BRINP3: variants seen among roughly 807,000 people sequenced by gnomAD.
BRINP3 encodes the protein BMP/retinoic acid-inducible neural-specific protein 3.
In BRINP3, 19 loss-of-function variants were observed where a neutral mutation model predicts 71.0. That is an observed-to-expected ratio of 0.27 (90% CI 0.19 to 0.39). BRINP3 has a LOEUF of 0.39. Ranked by LOEUF, BRINP3 falls within the 10% of genes least tolerant of loss-of-function variation. BRINP3 has a pLI of 1.00. For missense variants in BRINP3, 959 were observed against 940.8 expected, an observed-to-expected ratio of 1.02 and a Z score of -0.25; for synonymous variants, 380 against 337.7, an observed-to-expected ratio of 1.13 and a Z score of -1.37.
At chr1:190,186,505 C>A (rs1001428763) in intron 6 of BRINP3, among the ~76,000 whole-genome samples, 3 of 152,100 alleles carry the variant, frequency 2.0e-5, no homozygotes, top group African/African-American at 7.2e-5. Flanking sequence ...CATCTTTTCA[C>A]AACAGTGCAT....
intron 4 of BRINP3, among the ~76,000 whole-genome samples, chr1:190,248,658 A>G (rs1042523523): frequency 6.6e-6 from 1 of 151,576 alleles, no homozygotes; most frequent in Non-Finnish European, 1.5e-5. Context: ...ATTATGTCAC[A>G]TTTGTTATTA....
intron 2 of BRINP3, among the ~76,000 whole-genome samples, chr1:190,397,379 CT>C (rs1244693922): frequency 2.6e-5 from 4 of 151,932 alleles, no homozygotes; most frequent in African/African-American, 9.7e-5. Flanking sequence ...GGCTCCTGTT[CT>C]GCATTTCCCA....
intron 2 of BRINP3, among the ~76,000 whole-genome samples, chr1:190,288,734 T>TA (rs972714840): frequency 7.9e-5 from 12 of 152,008 alleles, no homozygotes; most frequent in Middle Eastern, 3.4e-3. Flanking sequence ...TGTTAATTTT[T>TA]AAAAATGTAT....
chr1:190,331,520 C>CTG (rs1443557459), intron 2 of BRINP3, among the ~76,000 whole-genome samples: 33 of 151,976 alleles, frequency 2.2e-4, no homozygotes, highest in Non-Finnish European at 2.8e-4. Flanking sequence ...TGCTGTTGTT[C>CTG]TGTTCATCCT....
chr1:190,364,251 T>C (rs1390923128), intron 2 of BRINP3, among the ~76,000 whole-genome samples: 3 of 152,164 alleles, frequency 2.0e-5, no homozygotes, highest in Admixed American at 2.0e-4. Flanking sequence ...TAATGTTTTT[T>C]TCCAGAGATA....
At chr1:190,240,872 CAAAAAAAA>C (rs71123078) in intron 4 of BRINP3, among the ~76,000 whole-genome samples, 7 of 38,258 alleles carry the variant, frequency 1.8e-4, no homozygotes, top group Admixed American at 1.2e-3. Flanking sequence ...AACTCTGTCT[CAAAAAAAA>C]AAAAAAAAAA....
intron 6 of BRINP3, among the ~76,000 whole-genome samples, chr1:190,179,152 T>G (rs572032015): frequency 6.6e-6 from 1 of 152,166 alleles, no homozygotes; most frequent in African/African-American, 2.4e-5. Flanking sequence ...GCAATTATAT[T>G]TCAAAGTTCT....
rs909214267 is a variant in BRINP3 at position 190,477,516 on chromosome 1, G to A, written c.-119C>T. The A allele has an allele frequency of 6.6e-6, 1 of 152,184 alleles. No individual in the cohort carries two copies. Among genetic ancestry groups the A allele is most frequent in the Admixed American group, 6.5e-5 (1 of 15,278 alleles). 9.4% of individuals were successfully genotyped at this position (152,184 alleles called of 1,614,324 possible). A position where few individuals can be genotyped will look rare whatever the true frequency, so the allele number is the denominator to read the frequency against. On this transcript the variant is annotated 5_prime_UTR_variant, in exon 1 of 8. Transcript: ENST00000367462. ...TCCAGGATTCAAATAGATATTCCAT[G>A]ATCTTCCAAATCAAGGTAAAGTAGT...
intron 2 of BRINP3, among the ~76,000 whole-genome samples, chr1:190,392,115 T>C (rs1179374124): frequency 6.6e-6 from 1 of 151,486 alleles, no homozygotes; most frequent in Non-Finnish European, 1.5e-5. Context: ...TCAAAAAATA[T>C]CTGTGTGTCT....
chr1:190,444,657 C>T (rs1002739071), intron 2 of BRINP3, among the ~76,000 whole-genome samples: 12 of 151,960 alleles, frequency 7.9e-5, no homozygotes, highest in Non-Finnish European at 1.8e-4. Context: ...GCCTCAGCCT[C>T]CTGAGTACCT....
rs549607382 is a variant in BRINP3 at position 190,257,069 on chromosome 1, T to A, written c.618+7796A>T. On this transcript the variant is annotated intron_variant, in intron 4 of 7. Coordinates refer to ENST00000367462, the MANE Select transcript of BRINP3 (RefSeq NM_199051.3). ...GTTGGGGAAGTTCTCCTGGATGATA[T>A]CCTGAAGAGTGTTTTCCAACTTGGT... 5.3e-5 allele frequency among the ~76,000 whole-genome samples: 8 copies of A among 152,328 alleles called. No individual in the cohort carries two copies. The East Asian group carries it at 1.2e-3, about 22-fold the overall frequency.
intron 2 of BRINP3, among the ~76,000 whole-genome samples, chr1:190,282,459 T>C (rs933494638): frequency 6.6e-6 from 1 of 151,958 alleles, no homozygotes; most frequent in African/African-American, 2.4e-5. Context: ...AAAAGAATTA[T>C]AGCAAACTGC....
intron 7 of BRINP3, among the ~76,000 whole-genome samples, chr1:190,135,438 T>C (rs1487054538): frequency 6.6e-6 from 1 of 152,106 alleles, no homozygotes; most frequent in East Asian, 1.9e-4. Flanking sequence ...TTTGTTATAA[T>C]TTTTAATATA....
At chr1:190,419,539 A>G (rs1315096043) in intron 2 of BRINP3, among the ~76,000 whole-genome samples, 1 of 151,992 alleles carries the variant, frequency 6.6e-6, no homozygotes, top group Admixed American at 6.6e-5. Context: ...TATTTGAAAT[A>G]AAACTAAACT....
At chr1:190,412,311 GTGA>G (rs1351358221) in intron 2 of BRINP3, among the ~76,000 whole-genome samples, 1 of 150,460 alleles carries the variant, frequency 6.6e-6, no homozygotes, top group East Asian at 1.9e-4. Flanking sequence ...CTACAATCTT[GTGA>G]TGAAGGAAAT....
intron 2 of BRINP3, among the ~76,000 whole-genome samples, chr1:190,437,696 T>C (rs1368231308): frequency 2.0e-5 from 3 of 151,830 alleles, no homozygotes; most frequent in African/African-American, 7.2e-5. Context: ...TCATTATTTG[T>C]TTAAGTAATT....
At chr1:190,275,551 T>C (rs1472507752) in intron 3 of BRINP3, among the ~76,000 whole-genome samples, 1 of 151,578 alleles carries the variant, frequency 6.6e-6, no homozygotes, top group Non-Finnish European at 1.5e-5. Flanking sequence ...ATTACCAAGT[T>C]AAATGTCTGT....
chr1:190,267,685 TG>T, intron 3 of BRINP3, among the ~76,000 whole-genome samples: 1 of 151,966 alleles, frequency 6.6e-6, no homozygotes, highest in East Asian at 1.9e-4. Flanking sequence ...TTTTTCTTCA[TG>T]GAAAAAGAAA....
intron 2 of BRINP3, among the ~76,000 whole-genome samples, chr1:190,375,537 C>G (rs1328794546): frequency 6.6e-6 from 1 of 151,868 alleles, no homozygotes; most frequent in East Asian, 1.9e-4. Flanking sequence ...AAAAGCCTAG[C>G]ATATCTAATT....
Sources: allele counts gnomAD v4.1 joint callset (sites outside exome capture counted in the v4.1 genomes callset), GRCh38; gene constraint gnomAD v4.1.1; transcripts MANE v1.5; gene names NCBI Gene and HGNC (gene_info 2026-07-23, HGNC 2026-07-21).